The following GRM7 variants were observed in gnomAD, a reference collection of about 807,000 sequenced individuals.
GRM7 encodes glutamate metabotropic receptor 7.
GRM7 carries 35 observed loss-of-function variants against 84.5 expected under a neutral mutation model. The ratio of observed to expected loss-of-function variants is 0.41; its 90% CI spans 0.32 to 0.55. The LOEUF (loss-of-function observed/expected upper bound fraction) is 0.55, where lower values mean the gene tolerates loss of function less well. Ranked by LOEUF, GRM7 falls within the 20% of genes least tolerant of loss-of-function variation. GRM7 has a pLI of 0.19. For missense variants in GRM7, 1,003 were observed against 1,194.6 expected, an observed-to-expected ratio of 0.84 and a Z score of 2.36; for synonymous variants, 487 against 455.1, an observed-to-expected ratio of 1.07 and a Z score of -0.89.
intron 1 of GRM7, among the ~76,000 whole-genome samples, chr3:7,107,259 T>A (rs1219967291): frequency 1.3e-5 from 2 of 152,062 alleles, no homozygotes; most frequent in Admixed American, 6.6e-5. Flanking sequence ...ACAGTCTAGT[T>A]TCTTTTTCCA....
chr3:7,247,292 C>G (rs1697800840), intron 2 of GRM7, among the ~76,000 whole-genome samples: 1 of 151,990 alleles, frequency 6.6e-6, no homozygotes, highest in African/African-American at 2.4e-5. Context: ...AATTGGTAGG[C>G]TAGACACCAT....
chr3:7,149,846 A>G (rs999184397), intron 2 of GRM7, among the ~76,000 whole-genome samples: 9 of 152,322 alleles, frequency 5.9e-5, no homozygotes, highest in African/African-American at 1.7e-4. Flanking sequence ...TTGAATCACA[A>G]TGGCTCCCTA....
At chr3:7,342,617 A>G (rs1330691066) in intron 4 of GRM7, among the ~76,000 whole-genome samples, 5 of 152,146 alleles carry the variant, frequency 3.3e-5, no homozygotes, top group Middle Eastern at 3.2e-3. Context: ...AAAATTACCT[A>G]CAGAATGTTA....
intron 1 of GRM7, among the ~76,000 whole-genome samples, chr3:6,899,029 G>A (rs572739473): frequency 6.6e-6 from 1 of 152,028 alleles, no homozygotes; most frequent in East Asian, 1.9e-4. Flanking sequence ...TAAAATAGGG[G>A]CAAAATCTAG....
At chr3:7,467,545 C>G (rs1698512410) in intron 7 of GRM7, among the ~76,000 whole-genome samples, 1 of 152,078 alleles carries the variant, frequency 6.6e-6, no homozygotes. Context: ...GTCTGCTGGC[C>G]AATCTGAGAC....
In GRM7 at chr3:7,680,256, G is replaced by A; in HGVS notation, c.2659G>A (p.Glu887Lys). 1 of 1,614,138 alleles carries A rather than the reference G, an allele frequency of 6.2e-7. No homozygotes were observed. ...CAAACCCAGTGACAGACCCAACGGT[G>A]AGGCAAAGACCGAGCTCTGTGAAAA... ...SHKPSDRPNG[E>K]AKTELCENVD... The change falls in exon 9 of 10, where the codon GAG (glutamate) becomes AAG (lysine). Residue 887 changes from glutamate (E) to lysine (K), a missense_variant. By Grantham distance (56) the Glu-to-Lys change is moderately conservative. This residue lies in a region of GRM7 where 910 missense variants were observed against 1,126.0 expected (regional missense o/e 0.81). Transcript: ENST00000357716.
chr3:7,061,698 G>A (rs62236615), intron 1 of GRM7, among the ~76,000 whole-genome samples: 1 of 151,718 alleles, frequency 6.6e-6, no homozygotes, highest in Non-Finnish European at 1.5e-5. Context: ...AGCAAGGACT[G>A]ACAGGAGAGT....
intron 7 of GRM7, among the ~76,000 whole-genome samples, chr3:7,505,226 A>C (rs1700005378): frequency 1.3e-5 from 2 of 152,154 alleles, no homozygotes; most frequent in South Asian, 4.1e-4. Flanking sequence ...TCCTCCACAA[A>C]ATTTCTGGCA....
At chr3:7,009,578 A>G (rs1695300424) in intron 1 of GRM7, among the ~76,000 whole-genome samples, 1 of 152,218 alleles carries the variant, frequency 6.6e-6, no homozygotes, top group African/African-American at 2.4e-5. Context: ...ATATAGATAG[A>G]AAGTCCTACT....
chr3:7,051,748 A>C (rs1462215111), intron 1 of GRM7, among the ~76,000 whole-genome samples: 1 of 151,760 alleles, frequency 6.6e-6, no homozygotes, highest in Non-Finnish European at 1.5e-5. Flanking sequence ...AGTGCAAAAG[A>C]TGTCTTGTAT....
intron 4 of GRM7, among the ~76,000 whole-genome samples, chr3:7,389,053 T>A (rs2125138386): frequency 6.6e-6 from 1 of 152,118 alleles, no homozygotes; most frequent in East Asian, 1.9e-4. Context: ...TTTTGCCACA[T>A]ACCAGAGGTT....
chr3:7,212,388 A>G (rs73016255), intron 2 of GRM7, among the ~76,000 whole-genome samples: 40 of 152,222 alleles, frequency 2.6e-4, no homozygotes, highest in Non-Finnish European at 5.4e-4. Flanking sequence ...CCATCAATTC[A>G]TCTATCCAAT....
chr3:7,489,264 C>G (rs1019964800), intron 7 of GRM7, among the ~76,000 whole-genome samples: 10 of 152,098 alleles, frequency 6.6e-5, no homozygotes, highest in Admixed American at 1.3e-4. Context: ...TTTTTATGAA[C>G]TAGAAAATGT....
chr3:6,932,073 C>T (rs113139416), intron 1 of GRM7, among the ~76,000 whole-genome samples: 20 of 152,228 alleles, frequency 1.3e-4, no homozygotes, highest in African/African-American at 4.8e-4. Context: ...AAAAATAAAC[C>T]TCAATAAAAT....
intron 1 of GRM7, among the ~76,000 whole-genome samples, chr3:7,140,258 A>G (rs1197830741): frequency 6.6e-6 from 1 of 152,036 alleles, no homozygotes; most frequent in Non-Finnish European, 1.5e-5. Flanking sequence ...ATAAGACTAA[A>G]GGTAGGTAGT....
At chr3:7,105,006 G>A (rs1699244863) in intron 1 of GRM7, among the ~76,000 whole-genome samples, 1 of 151,724 alleles carries the variant, frequency 6.6e-6, no homozygotes, top group Non-Finnish European at 1.5e-5. Flanking sequence ...GTAATACATG[G>A]TTGAATAGTT....
intron 1 of GRM7, among the ~76,000 whole-genome samples, chr3:7,096,190 T>A (rs1490356967): frequency 1.3e-5 from 2 of 152,068 alleles, no homozygotes; most frequent in Non-Finnish European, 2.9e-5. Context: ...CAAACTCCAC[T>A]AATGTGACAC....
At chr3:7,195,349 C>G (rs567940684) in intron 2 of GRM7, among the ~76,000 whole-genome samples, 1 of 152,030 alleles carries the variant, frequency 6.6e-6, no homozygotes, top group Non-Finnish European at 1.5e-5. Flanking sequence ...GCCATGAAAA[C>G]AAATTGCAAT....
At chr3:7,130,515 C>A (rs1229626819) in intron 1 of GRM7, among the ~76,000 whole-genome samples, 2 of 149,406 alleles carry the variant, frequency 1.3e-5, no homozygotes, top group African/African-American at 5.0e-5. Flanking sequence ...TGCACTACAA[C>A]CCCAGTGACA....
Sources: gnomAD v4.1 joint callset for allele counts (sites outside exome capture counted in the v4.1 genomes callset) on GRCh38, gnomAD v4.1.1 for gene constraint, gnomAD v4.1.1 regional missense constraint, MANE v1.5 for transcripts, NCBI Gene and HGNC (gene_info 2026-07-23, HGNC 2026-07-21) for gene names.